Variants in SCAMP1 observed in about 807,000 individuals in gnomAD.
SCAMP1 encodes secretory carrier-associated membrane protein 1.
Under a neutral mutation model 41.8 loss-of-function variants are expected in SCAMP1, and 15 were observed. The ratio of observed to expected loss-of-function variants is 0.36; its 90% CI spans 0.24 to 0.55. The LOEUF is 0.55. SCAMP1 is among the 20% of genes least tolerant of loss of function. The pLI is 0.86. For missense variants in SCAMP1, 341 were observed against 412.6 expected (o/e 0.83, Z 1.50); for synonymous variants, 135 against 136.8 (o/e 0.99, Z 0.09).
At chr5:78,364,957 A>G (rs962263073) in intron 1 of SCAMP1, among the ~76,000 whole-genome samples, 12 of 71,466 alleles carry the variant, frequency 1.7e-4, no homozygotes, top group African/African-American at 6.5e-4. Context: ...CAGCACACCA[A>G]CATGGCACAT....
Position 78,362,907 on chromosome 5 carries a change from T to C in SCAMP1, c.57+2179T>C, listed in dbSNP as rs191238082. ...TTTTCTTTTTTTACTTTTTTTTTTT[T>C]TTTGAGACGGAGTCTTGCACTGTTG... On this transcript the variant is annotated intron_variant, in intron 1 of 8. Transcript: ENST00000621999. 1.8e-3 allele frequency among the ~76,000 whole-genome samples: 262 copies of C among 146,884 alleles called. 4 individuals are homozygous for C. The highest frequency in any genetic ancestry group is 5.2e-3 in the African/African-American group (214 of 40,796).
chr5:78,429,812 A>G (rs1299331028), intron 6 of SCAMP1, among the ~76,000 whole-genome samples: 2 of 151,958 alleles, frequency 1.3e-5, no homozygotes, highest in African/African-American at 4.8e-5. Context: ...TGACTTCCTC[A>G]TTCTGTCATG....
chr5:78,431,203 T>C (rs1752612106), intron 6 of SCAMP1, among the ~76,000 whole-genome samples: 1 of 151,978 alleles, frequency 6.6e-6, no homozygotes, highest in Non-Finnish European at 1.5e-5. Context: ...CTGCATGCAC[T>C]TGAAAGAATA....
intron 6 of SCAMP1, among the ~76,000 whole-genome samples, chr5:78,448,940 T>G (rs1452771508): frequency 2.0e-5 from 3 of 149,732 alleles, no homozygotes; most frequent in Non-Finnish European, 4.4e-5. Context: ...GCAGAGGTTG[T>G]GGTGAGCCAA....
At chr5:78,454,653 TTG>T (rs1012215322) in intron 7 of SCAMP1, among the ~76,000 whole-genome samples, 1 of 152,160 alleles carries the variant, frequency 6.6e-6, no homozygotes, top group Non-Finnish European at 1.5e-5. Context: ...TCTTTTTTGG[TTG>T]TGTCTCTGCC....
chr5:78,383,339 C>T (rs955089744), intron 1 of SCAMP1, among the ~76,000 whole-genome samples: 9 of 151,922 alleles, frequency 5.9e-5, no homozygotes, highest in African/African-American at 1.9e-4. Context: ...GGTATTAGTC[C>T]TTTGTCAAAT....
Position 78,476,384 on chromosome 5 carries a change from A to G in SCAMP1, c.*716A>G, listed in dbSNP as rs1754005743. ...ATTCTGCAAGAATTTCTTTTAAATA[A>G]AAAGTTTGGGGGTGCAATATAAGAA... On this transcript the variant is annotated 3_prime_UTR_variant, in exon 9 of 9. Coordinates refer to ENST00000621999, the MANE Select transcript of SCAMP1 (RefSeq NM_004866.6). 1 of 152,446 alleles carries G rather than the reference A, an allele frequency of 6.6e-6. No homozygotes were observed. Among genetic ancestry groups the G allele is most frequent in the African/African-American group, 2.4e-5 (1 of 41,442 alleles). The allele number at this position is 152,446 out of a possible 1,614,324, so 9.4% of individuals were successfully genotyped here.
intron 2 of SCAMP1, among the ~76,000 whole-genome samples, chr5:78,402,192 AT>A (rs1465032284): frequency 7.3e-6 from 1 of 137,392 alleles, no homozygotes; most frequent in Non-Finnish European, 1.6e-5. Flanking sequence ...TAAATACTAT[AT>A]TTGTTTTTTT....
intron 2 of SCAMP1, among the ~76,000 whole-genome samples, chr5:78,399,594 T>C (rs1751749507): frequency 6.6e-6 from 1 of 152,256 alleles, no homozygotes; most frequent in African/African-American, 2.4e-5. Flanking sequence ...ATGTGCTCAC[T>C]TGCCATCTTT....
intron 7 of SCAMP1, among the ~76,000 whole-genome samples, chr5:78,451,943 C>G (rs1225137736): frequency 1.3e-5 from 2 of 152,218 alleles, no homozygotes; most frequent in Non-Finnish European, 2.9e-5. Context: ...GCGTGAGCTA[C>G]CATGTCTGGC....
chr5:78,402,901 TCACTCTGTCACCCAGGC>T (rs1159999358), intron 2 of SCAMP1, among the ~76,000 whole-genome samples: 2 of 152,194 alleles, frequency 1.3e-5, no homozygotes, highest in African/African-American at 2.4e-5. Flanking sequence ...TGAGACTGTT[TCACTCTGTCACCCAGGC>T]TGGAGTGCAG....
chr5:78,381,821 A>C (rs1394679884), intron 1 of SCAMP1, among the ~76,000 whole-genome samples: 1 of 152,190 alleles, frequency 6.6e-6, no homozygotes, highest in African/African-American at 2.4e-5. Context: ...TCTCATATGA[A>C]TTTATAAGGC....
intron 2 of SCAMP1, among the ~76,000 whole-genome samples, chr5:78,410,865 T>C (rs1752058640): frequency 6.6e-6 from 1 of 152,236 alleles, no homozygotes; most frequent in Admixed American, 6.5e-5. Context: ...GGTATCTCAT[T>C]GTGGTTTTGA....
At chr5:78,472,401 C>T (rs1312368419) in intron 8 of SCAMP1, among the ~76,000 whole-genome samples, 1 of 151,826 alleles carries the variant, frequency 6.6e-6, no homozygotes, top group South Asian at 2.1e-4. Context: ...CCCCCACCCC[C>T]AAGTTGTGTA....
chr5:78,470,679 A>G (rs1053647880), intron 8 of SCAMP1, among the ~76,000 whole-genome samples: 2 of 152,120 alleles, frequency 1.3e-5, no homozygotes, highest in African/African-American at 4.8e-5. Context: ...TATATACCCA[A>G]TGTGGAATTC....
At chr5:78,462,406 G>A (rs576530683) in intron 8 of SCAMP1, among the ~76,000 whole-genome samples, 19 of 152,088 alleles carry the variant, frequency 1.2e-4, no homozygotes, top group East Asian at 9.7e-4. Context: ...CTTGGCTCAC[G>A]GCAGCCTCTA....
chr5:78,449,591 A>G (rs1384308371), intron 6 of SCAMP1, among the ~76,000 whole-genome samples: 1 of 152,208 alleles, frequency 6.6e-6, no homozygotes, highest in Non-Finnish European at 1.5e-5. Flanking sequence ...AAATATTTGC[A>G]ATTCATTGTG....
rs1327256895 is a variant in SCAMP1 at position 78,362,915 on chromosome 5, C to T, written c.57+2187C>T. Among the ~76,000 whole-genome samples the T allele has an allele frequency of 2.8e-3, 353 of 125,236 alleles. 2 individuals carry two copies. Among genetic ancestry groups the T allele is most frequent in the African/African-American group, 9.1e-3 (311 of 34,208 alleles). 82.2% of individuals were successfully genotyped at this position (125,236 alleles called of 152,430 possible). On this transcript the variant is annotated intron_variant, in intron 1 of 8. Transcript: ENST00000621999. ...TTTTACTTTTTTTTTTTTTTTGAGA[C>T]GGAGTCTTGCACTGTTGCCCCGGCT...
chr5:78,442,942 C>T (rs899410341), intron 6 of SCAMP1, among the ~76,000 whole-genome samples: 1 of 152,186 alleles, frequency 6.6e-6, no homozygotes, highest in South Asian at 2.1e-4. Context: ...TGCCATGGCT[C>T]ATGCCTGTAA....
Sources: allele counts gnomAD v4.1 joint callset (sites outside exome capture counted in the v4.1 genomes callset), GRCh38; gene constraint gnomAD v4.1.1; transcripts MANE v1.5; gene names NCBI Gene and HGNC (gene_info 2026-07-23, HGNC 2026-07-21).